NUP205: variants seen among roughly 807,000 people sequenced by gnomAD.
NUP205 encodes nucleoporin 205.
NUP205 carries 76 observed loss-of-function variants against 253.8 expected under a neutral mutation model. The ratio of observed to expected loss-of-function variants is 0.30; its 90% CI spans 0.25 to 0.36. The LOEUF (loss-of-function observed/expected upper bound fraction) is 0.36, where lower values mean the gene tolerates loss of function less well. Among genes scored for constraint, NUP205 ranks in the 10% least tolerant of loss-of-function variants. The pLI is 1.00. For synonymous variants in NUP205, 832 were observed against 850.1 expected (o/e 0.98, Z 0.37); for missense variants, 2,162 against 2,425.5 (o/e 0.89, Z 2.28).
chr7:135,566,211 A>C (rs1307379816), intron 1 of NUP205, among the ~76,000 whole-genome samples: 2 of 151,248 alleles, frequency 1.3e-5, no homozygotes, highest in Non-Finnish European at 3.0e-5. Flanking sequence ...CAGATTCAAG[A>C]GATTCTTGTG....
chr7:135,584,377 T>C (rs1806399942), intron 7 of NUP205, among the ~76,000 whole-genome samples: 1 of 152,200 alleles, frequency 6.6e-6, no homozygotes, highest in African/African-American at 2.4e-5. Flanking sequence ...AAATTTAGTT[T>C]TTAAATTTTA....
intron 1 of NUP205, among the ~76,000 whole-genome samples, chr7:135,567,136 A>C (rs1266926297): frequency 0.14 from 3,466 of 25,400 alleles, 556 homozygotes; most frequent in South Asian, 0.29. Context: ...GTGTATATAT[A>C]TATATATATA....
chr7:135,601,880 GTTA>G (rs962743158), intron 17 of NUP205, among the ~76,000 whole-genome samples: 88 of 152,204 alleles, frequency 5.8e-4, no homozygotes, highest in African/African-American at 2.0e-3. Flanking sequence ...AATTTTACTT[GTTA>G]TTATTACCAC....
At chr7:135,577,541 G>A (rs1304034557) in intron 5 of NUP205, among the ~76,000 whole-genome samples, 2 of 152,086 alleles carry the variant, frequency 1.3e-5, no homozygotes, top group African/African-American at 4.8e-5. Flanking sequence ...TTCAGCTTCG[G>A]TATAGTCATT....
At chr7:135,638,263 A>G (rs1442084189) in intron 37 of NUP205, among the ~76,000 whole-genome samples, 1 of 152,078 alleles carries the variant, frequency 6.6e-6, no homozygotes, top group South Asian at 2.1e-4. Flanking sequence ...TACAAAAAAA[A>G]TTTAGCTGGG....
intron 31 of NUP205, among the ~76,000 whole-genome samples, chr7:135,623,975 G>A (rs920477353): frequency 6.6e-6 from 1 of 151,958 alleles, no homozygotes; most frequent in Non-Finnish European, 1.5e-5. Flanking sequence ...GTAGAGACGG[G>A]GTTTCACCAT....
At chr7:135,570,831 TTA>T (rs1805971616) in intron 1 of NUP205, among the ~76,000 whole-genome samples, 2 of 49,234 alleles carry the variant, frequency 4.1e-5, no homozygotes, top group Admixed American at 2.4e-4. Flanking sequence ...AATATATAAA[TTA>T]TATATTATAT....
At chr7:135,625,015 A>G in intron 31 of NUP205, 149 bp from the exon 32 acceptor site, 1 of 683,224 alleles carries the variant, frequency 1.5e-6, no homozygotes. Flanking sequence ...CTTCTCAAAA[A>G]AAAATAAAAA....
chr7:135,606,002 T>TA, intron 19 of NUP205, 143 bp from the exon 20 acceptor site: 1 of 571,854 alleles, frequency 1.7e-6, no homozygotes, highest in Non-Finnish European at 3.1e-6. Context: ...AGTTTTCTAT[T>TA]AAAAATGTAA....
chr7:135,595,439 G>T (rs1260757525), intron 13 of NUP205, among the ~76,000 whole-genome samples: 1 of 152,050 alleles, frequency 6.6e-6, no homozygotes, highest in Non-Finnish European at 1.5e-5. Flanking sequence ...GTCCAGGCTG[G>T]TCTTGAACTC....
chr7:135,642,120 T>A (rs750198341), intron 38 of NUP205, among the ~76,000 whole-genome samples: 4 of 151,898 alleles, frequency 2.6e-5, no homozygotes, highest in Non-Finnish European at 5.9e-5. Context: ...CTGGGTGTGG[T>A]GGCATGCGCC....
chr7:135,576,548 G>T (rs1466041221), intron 4 of NUP205, 134 bp downstream of exon 4: 1 of 750,030 alleles, frequency 1.3e-6, no homozygotes, highest in East Asian at 2.8e-5. Context: ...TGCCAAGACA[G>T]ATATAACAAT....
At chr7:135,571,317 TTTTC>T in intron 2 of NUP205, 70 bp downstream of exon 2, 1 of 1,070,006 alleles carries the variant, frequency 9.3e-7, no homozygotes, top group Non-Finnish European at 1.2e-6. Flanking sequence ...AAGTAAACTC[TTTTC>T]TTTTTTTTTT....
chr7:135,627,015 A>C (rs1369465858), intron 33 of NUP205, among the ~76,000 whole-genome samples: 1 of 152,214 alleles, frequency 6.6e-6, no homozygotes, highest in African/African-American at 2.4e-5. Context: ...CCTCCAGGGA[A>C]AAACATTTAT....
At chr7:135,625,650 A>G (rs1794574582) in intron 32 of NUP205, among the ~76,000 whole-genome samples, 1 of 152,206 alleles carries the variant, frequency 6.6e-6, no homozygotes, top group Admixed American at 6.5e-5. Context: ...TCCTCTCACA[A>G]TACAATTTAG....
chr7:135,624,705 G>A lies in NUP205; in HGVS notation c.4480-459G>A, dbSNP rs562937899. Reference sequence around the variant, plus strand: ...TTTTTTTAATGGCCAGGCTTGTCTCGGATTCCTGACAAGTGCTCCACCTGC... The same window carrying A: ...TTTTTTTAATGGCCAGGCTTGTCTCAGATTCCTGACAAGTGCTCCACCTGC... On this transcript the variant is annotated intron_variant, in intron 31 of 42. Coordinates refer to ENST00000285968, the MANE Select transcript of NUP205 (RefSeq NM_015135.3). Among the ~76,000 whole-genome samples, 14 of 152,172 alleles carry A rather than the reference G, an allele frequency of 9.2e-5. No homozygotes were observed. In the East Asian group the frequency reaches 2.3e-3, roughly 25 times the overall value.
chr7:135,625,851 A>G (rs1054072610), intron 32 of NUP205, among the ~76,000 whole-genome samples: 3 of 152,112 alleles, frequency 2.0e-5, no homozygotes, highest in African/African-American at 7.2e-5. Flanking sequence ...TTCTTCATTT[A>G]CTCCTTTTTC....
rs180988249 is a variant in NUP205, at chr7:135,638,754, G to T, written c.5392+71G>T. Reference sequence around the variant, plus strand: ...GGTTATGACATAGCTCTCCAGCTTGGCTCCAGTAAGATGCAGTATTTTCTT... The same window carrying T: ...GGTTATGACATAGCTCTCCAGCTTGTCTCCAGTAAGATGCAGTATTTTCTT... On this transcript the variant is annotated intron_variant, in intron 38 of 42. Transcript: ENST00000285968. 6 of 1,518,304 alleles carry T rather than the reference G, an allele frequency of 4.0e-6. No individual in the cohort carries two copies. In the African/African-American group the frequency reaches 4.1e-5, roughly 10 times the overall value. 94.1% of individuals were successfully genotyped at this position (1,518,304 alleles called of 1,614,324 possible). A position where few individuals can be genotyped will look rare whatever the true frequency, so the allele number is the denominator to read the frequency against.
In NUP205 at chr7:135,577,003, G is replaced by C; in HGVS notation, c.523G>C (p.Asp175His). 6.2e-7 allele frequency: 1 copy of C among 1,614,062 alleles called. No homozygotes were observed. Among genetic ancestry groups the C allele is most frequent in the Non-Finnish European group, 8.5e-7 (1 of 1,179,972 alleles). Residue 175 changes from aspartate (D) to histidine (H), a missense_variant, in exon 5 of 43, where the codon GAT becomes CAT. Physicochemically the swap from Asp to His is moderately conservative, Grantham distance 81 (BLOSUM62 -1). Coordinates refer to ENST00000285968, the MANE Select transcript of NUP205 (RefSeq NM_015135.3). ...ELASMTTRFT[D>H]ELMEQGLTYK... ...GGCTTCCATGACAACACGCTTTACA[G>C]ATGAGCTGATGGAGCAAGGATTGAC...
Sources: gnomAD v4.1 joint callset for allele counts (sites outside exome capture counted in the v4.1 genomes callset) on GRCh38, gnomAD v4.1.1 for gene constraint, MANE v1.5 for transcripts, NCBI Gene and HGNC (gene_info 2026-07-23, HGNC 2026-07-21) for gene names.